The following RGS20 variants were observed in gnomAD, a reference collection of about 807,000 sequenced individuals.
RGS20 encodes the protein gz-selective GTPase-activating protein.
In RGS20, 30 loss-of-function variants were observed where a neutral mutation model predicts 33.6. The observed-to-expected ratio is 0.89, with a 90% CI of 0.67 to 1.21. The LOEUF is 1.21. Among genes scored for constraint, RGS20 ranks in the 50% most tolerant of loss-of-function variants. The pLI, the probability that RGS20 is intolerant of heterozygous loss-of-function variation, is 0.00. For missense variants in RGS20, 472 were observed against 502.4 expected (o/e 0.94, Z 0.58); for synonymous variants, 208 against 197.9 (o/e 1.05, Z -0.43).
At chr8:53,945,565 A>G (rs1814450881) in intron 3 of RGS20, among the ~76,000 whole-genome samples, 1 of 152,166 alleles carries the variant, frequency 6.6e-6, no homozygotes, top group South Asian at 2.1e-4. Context: ...AAAACCACTG[A>G]ATTGTACACT....
At chr8:53,932,227 T>C (rs138328938) in intron 2 of RGS20, among the ~76,000 whole-genome samples, 1 of 152,220 alleles carries the variant, frequency 6.6e-6, no homozygotes, top group East Asian at 1.9e-4. Flanking sequence ...CCGAGCTAGC[T>C]GCAGAAGTGT....
At chr8:53,943,212 C>T (rs1356953784) in intron 3 of RGS20, among the ~76,000 whole-genome samples, 2 of 152,068 alleles carry the variant, frequency 1.3e-5, no homozygotes, top group Admixed American at 1.3e-4. Context: ...CAAACTTCAA[C>T]TGTTTTAATA....
At position 53,952,297 on chromosome 8, in the gene RGS20, C is replaced by T. The variant is rs575707215; in HGVS notation, c.744-1779C>T. Among the ~76,000 whole-genome samples the T allele has an allele frequency of 8.1e-4, 106 of 130,844 alleles. 2 individuals carry two copies. The highest frequency in any genetic ancestry group is 2.8e-3 in the African/African-American group (96 of 34,134). The allele number at this position is 130,844 out of a possible 152,430, so 85.8% of individuals were successfully genotyped here. ...GAGTATTGCAGAGGTTGTGGTGAGC[C>T]GAGATCACACCACTGCACTCCAGCC... On this transcript the variant is annotated intron_variant, in intron 4 of 5. Coordinates refer to ENST00000297313, the MANE Select transcript of RGS20 (RefSeq NM_170587.4).
In RGS20 at chr8:53,958,330, C is replaced by T. The variant is rs372653480; in HGVS notation, c.1039C>T (p.His347Tyr). The T allele has an allele frequency of 8.1e-6, 13 of 1,613,702 alleles. No individual in the cohort carries two copies. The highest frequency in any genetic ancestry group is 1.1e-5 in the Non-Finnish European group (13 of 1,179,898). ...CAGAAACATGGTGGAGCCATCCCAACACATATTCGATGATGCTCAACTTCA... is the reference window on the plus strand; with the variant it reads ...CAGAAACATGGTGGAGCCATCCCAATACATATTCGATGATGCTCAACTTCA... The change falls in exon 6 of 6, where the codon CAC becomes TAC. Residue 347 changes from histidine (H) to tyrosine (Y), a missense_variant. Physicochemically the swap from His to Tyr is moderately conservative, Grantham distance 83. Around this residue, in one of 3 missense-constraint regions of RGS20, gnomAD observed 125 missense variants for 169.5 expected, o/e 0.74. Coordinates refer to ENST00000297313, the MANE Select transcript of RGS20 (RefSeq NM_170587.4).
At chr8:53,935,428 C>T (rs908314532) in intron 2 of RGS20, among the ~76,000 whole-genome samples, 6 of 152,114 alleles carry the variant, frequency 3.9e-5, no homozygotes, top group African/African-American at 1.2e-4. Context: ...CAGATATCAC[C>T]ACTGATCCCA....
rs1450389033 is a variant in RGS20, at chr8:53,852,010, C to T, written c.111C>T (p.Asp37=). The T allele has an allele frequency of 5.0e-6, 8 of 1,614,120 alleles. No homozygotes were observed. The highest frequency in any genetic ancestry group is 1.6e-4 in the Middle Eastern group (1 of 6,062). ...TCAGGGCTCAGAGATATAATACAGACATTCACCAAATCACAGAAAATGAAG... is the reference window on the plus strand; with the variant it reads ...TCAGGGCTCAGAGATATAATACAGATATTCACCAAATCACAGAAAATGAAG... Residue 37 remains aspartate (D), a synonymous_variant, in exon 1 of 6, where the codon GAC becomes GAT. Transcript: ENST00000297313.
chr8:53,954,759 C>A (rs1450107239), intron 5 of RGS20, among the ~76,000 whole-genome samples: 1 of 147,126 alleles, frequency 6.8e-6, no homozygotes, highest in Non-Finnish European at 1.5e-5. Context: ...GCAATCTTGG[C>A]TCACTGCAAC....
intron 2 of RGS20, among the ~76,000 whole-genome samples, chr8:53,932,716 C>A (rs1473562520): frequency 6.6e-6 from 1 of 152,232 alleles, no homozygotes; most frequent in Admixed American, 6.5e-5. Context: ...AGCAGACTTA[C>A]TGCCTGGCGG....
At chr8:53,907,514 G>T (rs1271675326) in intron 2 of RGS20, among the ~76,000 whole-genome samples, 2 of 152,002 alleles carry the variant, frequency 1.3e-5, no homozygotes, top group Non-Finnish European at 2.9e-5. Context: ...AACCCAGGAG[G>T]CTGAGGTTGC....
At chr8:53,956,496 A>G (rs1449503822) in intron 5 of RGS20, among the ~76,000 whole-genome samples, 1 of 152,122 alleles carries the variant, frequency 6.6e-6, no homozygotes, top group Non-Finnish European at 1.5e-5. Context: ...CAGGAGTCCA[A>G]AGGGACATGG....
chr8:53,900,764 C>A (rs914230437), intron 2 of RGS20, among the ~76,000 whole-genome samples: 2 of 152,162 alleles, frequency 1.3e-5, no homozygotes, highest in African/African-American at 4.8e-5. Flanking sequence ...TGACTGGACA[C>A]CCTATGCTCT....
Position 53,877,359 on chromosome 8 carries a change from C to G in RGS20, c.166-1899C>G, listed in dbSNP as rs1812231481. ...CTCGCTCCGGAGTGGGGCGCAGACG[C>G]GGCCGCCGGCCCGCAGTCCCCCGCA... On this transcript the variant is annotated intron_variant, in intron 1 of 5. Coordinates refer to ENST00000297313, the MANE Select transcript of RGS20 (RefSeq NM_170587.4). The surrounding 1 kb of genome is among the most constrained non-coding windows in gnomAD (Gnocchi z 5.7). Among the ~76,000 whole-genome samples, 2 of 152,118 alleles carry G rather than the reference C, an allele frequency of 1.3e-5. No homozygotes were observed. Among genetic ancestry groups the G allele is most frequent in the Non-Finnish European group, 2.9e-5 (2 of 67,994 alleles).
Position 53,917,669 on chromosome 8 carries a change from C to A in RGS20, c.511-21907C>A, listed in dbSNP as rs1379621212. Among the ~76,000 whole-genome samples, 3 of 152,064 alleles carry A rather than the reference C, an allele frequency of 2.0e-5. 1 individual carries two copies. Among genetic ancestry groups the A allele is most frequent in the Admixed American group, 1.3e-4 (2 of 15,252 alleles). On this transcript the variant is annotated intron_variant, in intron 2 of 5. Coordinates refer to ENST00000297313, the MANE Select transcript of RGS20 (RefSeq NM_170587.4). ...CTGTTGTCCCAGCACTTTGGGAAGCCAAGGTAGGAGGATCACTTGAGCCCA... is the reference window on the plus strand; with the variant it reads ...CTGTTGTCCCAGCACTTTGGGAAGCAAAGGTAGGAGGATCACTTGAGCCCA...
chr8:53,924,801 T>C (rs1336157808), intron 2 of RGS20, among the ~76,000 whole-genome samples: 2 of 152,230 alleles, frequency 1.3e-5, no homozygotes, highest in Non-Finnish European at 2.9e-5. Context: ...CCAAGTGATA[T>C]TGTGAATATG....
intron 2 of RGS20, among the ~76,000 whole-genome samples, chr8:53,896,452 G>A (rs1812865862): frequency 6.6e-6 from 1 of 152,222 alleles, no homozygotes; most frequent in Non-Finnish European, 1.5e-5. Context: ...GGCCTGCAAA[G>A]TGTGCAATAT....
chr8:53,873,115 C>G (rs1812116847), intron 1 of RGS20, among the ~76,000 whole-genome samples: 1 of 151,750 alleles, frequency 6.6e-6, no homozygotes, highest in Non-Finnish European at 1.5e-5. Flanking sequence ...ACATGTAGTA[C>G]TTCCCTCCTC....
intron 2 of RGS20, among the ~76,000 whole-genome samples, chr8:53,933,473 C>T (rs921260653): frequency 6.6e-6 from 1 of 152,114 alleles, no homozygotes; most frequent in South Asian, 2.1e-4. Flanking sequence ...ACACAAGTAT[C>T]AATAGCCGAA....
intron 2 of RGS20, among the ~76,000 whole-genome samples, chr8:53,912,384 TA>T (rs1563390654): frequency 1.3e-5 from 2 of 150,872 alleles, no homozygotes; most frequent in Admixed American, 6.6e-5. Context: ...ATTTTGTAGG[TA>T]AAAATATCAA....
At chr8:53,956,123 G>A (rs1015400173) in intron 5 of RGS20, among the ~76,000 whole-genome samples, 4 of 152,170 alleles carry the variant, frequency 2.6e-5, no homozygotes, top group Admixed American at 1.3e-4. Context: ...ACCAAGGATA[G>A]TGAAAAGGAA....
Sources: gnomAD v4.1 joint callset for allele counts (sites outside exome capture counted in the v4.1 genomes callset) on GRCh38, gnomAD v4.1.1 for gene constraint, gnomAD v4.1.1 regional missense constraint, Gnocchi (gnomAD v3.1) non-coding constraint, MANE v1.5 for transcripts, NCBI Gene and HGNC (gene_info 2026-07-23, HGNC 2026-07-21) for gene names.